Variants in UBE2S observed in about 807,000 individuals in gnomAD.
UBE2S encodes the protein ubiquitin conjugating enzyme E2 S.
Under a neutral mutation model 12.3 loss-of-function variants are expected in UBE2S, and 3 were observed. That is an observed-to-expected ratio of 0.24 (90% confidence interval 0.11 to 0.63). The LOEUF is 0.63. Among genes scored for constraint, UBE2S ranks in the 30% least tolerant of loss-of-function variants. The pLI is 0.85. For missense variants in UBE2S, 211 were observed against 313.9 expected, an observed-to-expected ratio of 0.67 and a Z score of 2.48; for synonymous variants, 133 against 142.0, an observed-to-expected ratio of 0.94 and a Z score of 0.45.
chr19:55,403,442 C>T (rs1301110803), intron 3 of UBE2S, among the ~76,000 whole-genome samples: 1 of 151,944 alleles, frequency 6.6e-6, no homozygotes, highest in African/African-American at 2.4e-5. Context: ...TGAGCTATGA[C>T]TGCGCCACTG....
intron 1 of UBE2S, among the ~76,000 whole-genome samples, 199 bp downstream of exon 1, chr19:55,407,388 G>A (rs951918138): frequency 2.0e-5 from 3 of 152,156 alleles, no homozygotes; most frequent in African/African-American, 2.4e-5. Context: ...AGCGCCCGGA[G>A]CCCTCGCCGC....
At chr19:55,406,728 T>C in intron 2 of UBE2S, 87 bp downstream of exon 2, 3 of 1,507,488 alleles carry the variant, frequency 2.0e-6, no homozygotes, top group Non-Finnish European at 2.7e-6. Context: ...GGCCAGCCTG[T>C]AATGGGTACT....
rs147316341 is a variant in UBE2S, at chr19:55,402,173, G to A, written c.343-411C>T. On this transcript the variant is annotated intron_variant, in intron 3 of 3. Coordinates refer to ENST00000264552, the MANE Select transcript of UBE2S (RefSeq NM_014501.3). ...TTAGAGGCCCTCTGGTTCAACGAGT[G>A]AGGCCTGCAGCCTGGACAGAGAGAA... is the stretch of plus-strand genomic sequence containing the variant. Among the ~76,000 whole-genome samples, 8 of 152,354 alleles carry A rather than the reference G, an allele frequency of 5.3e-5. No individual in the cohort carries two copies. The East Asian group carries it at 1.5e-3, about 29-fold the overall frequency.
Position 55,404,468 on chromosome 19 carries a change from T to G in UBE2S, c.162A>C (p.Pro54=), listed in dbSNP as rs1233002117. The G allele has an allele frequency of 1.2e-6, 2 of 1,608,288 alleles. No homozygotes were observed. The highest frequency in any genetic ancestry group is 1.7e-6 in the Non-Finnish European group (2 of 1,176,848). Residue 54 remains proline (P), a synonymous_variant, in exon 3 of 4, where the codon CCA becomes CCC. Coordinates refer to ENST00000264552, the MANE Select transcript of UBE2S (RefSeq NM_014501.3). This position sits in a 1 kb window ranked among gnomAD's most constrained non-coding sequence, Gnocchi z 4.4. ...QVTIEGPEGT[P]YAGGLFRMKL... Reference sequence around the variant, plus strand: ...TCATGCGGAACAGACCTCCAGCATATGGGGTCCCCTCTGGAGTGGAGGGAG... The same window carrying G: ...TCATGCGGAACAGACCTCCAGCATAGGGGGTCCCCTCTGGAGTGGAGGGAG...
intron 3 of UBE2S, chr19:55,403,059 T>TC: frequency 7.3e-7 from 1 of 1,377,096 alleles, no homozygotes; most frequent in Non-Finnish European, 1.0e-6. Flanking sequence ...TGGAGCCATC[T>TC]CGTACGCTGC....
chr19:55,406,747 G>A, intron 2 of UBE2S, 68 bp downstream of exon 2: 1 of 1,547,536 alleles, frequency 6.5e-7, no homozygotes, highest in Non-Finnish European at 8.7e-7. Flanking sequence ...CTTCCCGCTA[G>A]GGTGATCTAG....
At position 55,400,625 on chromosome 19, in the gene UBE2S, CCAA is replaced by C. The variant is rs1358245150; in HGVS notation, c.*808_*810del. ...CTAGTTCTACGAGGACTGAAATCAGCCAACAACCATGAGCATGGAAGAGGACCC... is the reference window on the plus strand; with the variant it reads ...CTAGTTCTACGAGGACTGAAATCAGCCAACCATGAGCATGGAAGAGGACCC... On this transcript the variant is annotated 3_prime_UTR_variant, in exon 4 of 4. Coordinates refer to ENST00000264552, the MANE Select transcript of UBE2S (RefSeq NM_014501.3). 3 of 152,346 alleles carry C rather than the reference CCAA, an allele frequency of 2.0e-5. No homozygotes were observed. Among genetic ancestry groups the C allele is most frequent in the East Asian group, 3.9e-4 (2 of 5,192 alleles). The allele number at this position is 152,346 out of a possible 1,614,324, so 9.4% of individuals were successfully genotyped here.
intron 3 of UBE2S, among the ~76,000 whole-genome samples, chr19:55,402,614 G>C (rs536189827): frequency 6.6e-6 from 1 of 152,270 alleles, no homozygotes; most frequent in South Asian, 2.1e-4. Context: ...TATCACTGAT[G>C]GTGACCAGGA....
intron 3 of UBE2S, among the ~76,000 whole-genome samples, chr19:55,403,713 G>A (rs1271887355): frequency 6.6e-6 from 1 of 150,680 alleles, no homozygotes; most frequent in Non-Finnish European, 1.5e-5. Context: ...CAACAAATGA[G>A]ACCCCATTCC....
chr19:55,407,620 G>A lies in UBE2S; in HGVS notation c.-31C>T, dbSNP rs778679914. 184 of 1,363,534 alleles carry A rather than the reference G, an allele frequency of 1.3e-4. No individual in the cohort carries two copies. Among genetic ancestry groups the A allele is most frequent in the Non-Finnish European group, 1.6e-4 (174 of 1,060,020 alleles). 84.5% of individuals were successfully genotyped at this position (1,363,534 alleles called of 1,614,324 possible). A position where few individuals can be genotyped will look rare whatever the true frequency, so the allele number is the denominator to read the frequency against. ...CGGCCGGCCGGGGGCGGGTCCCCCC[G>A]GCCCCCTTCCTGCGTTCTTCGGTCC... On this transcript the variant is annotated 5_prime_UTR_variant, in exon 1 of 4. Coordinates refer to ENST00000264552, the MANE Select transcript of UBE2S (RefSeq NM_014501.3).
At chr19:55,402,613 T>A (rs2090068531) in intron 3 of UBE2S, among the ~76,000 whole-genome samples, 1 of 152,202 alleles carries the variant, frequency 6.6e-6, no homozygotes, top group Non-Finnish European at 1.5e-5. Context: ...ATATCACTGA[T>A]GGTGACCAGG....
rs780505915 is a variant in UBE2S at position 55,404,448 on chromosome 19, C to T, written c.182G>A (p.Arg61His). ...GTCCTTCCCCAGCAGGAGTTTCATG[C>T]GGAACAGACCTCCAGCATATGGGGT... ...EGTPYAGGLF[R>H]MKLLLGKDFP... The change falls in exon 3 of 4, where the codon CGC becomes CAC. Residue 61 changes from arginine (R) to histidine (H), a missense_variant. By Grantham distance (29) the Arg-to-His change is conservative. Coordinates refer to ENST00000264552, the MANE Select transcript of UBE2S (RefSeq NM_014501.3). This position sits in a 1 kb window ranked among gnomAD's most constrained non-coding sequence, Gnocchi z 4.4. 1.9e-5 allele frequency: 30 copies of T among 1,610,344 alleles called. No individual in the cohort carries two copies. The highest frequency in any genetic ancestry group is 5.0e-5 in the Admixed American group (3 of 59,716).
Position 55,406,852 on chromosome 19 carries a change from C to G in UBE2S, c.114G>C (p.Glu38Asp), listed in dbSNP as rs745825218. Residue 38 changes from glutamate (E) to aspartate (D), a missense_variant, in exon 2 of 4, where the codon GAG (glutamate) becomes GAC (aspartate). Glu to Asp is a conservative substitution (Grantham distance 45). Coordinates refer to ENST00000264552, the MANE Select transcript of UBE2S (RefSeq NM_014501.3). The stretch of plus-strand genomic sequence containing the variant: ...TGGTGACCTGGAGGTCGGTGAGGTC[C>G]TCCTCGTTGGGAAAGACCTTGATGC... The part of the protein sequence containing the change: ...PDGIKVFPNE[E>D]DLTDLQVTIE... 1.5e-4 allele frequency: 241 copies of G among 1,613,622 alleles called. No homozygotes were observed. Among genetic ancestry groups the G allele is most frequent in the Non-Finnish European group, 2.0e-4 (233 of 1,179,834 alleles).
At position 55,404,243 on chromosome 19, in the gene UBE2S, T is replaced by G. The variant is rs1279687100; in HGVS notation, c.342+45A>C. The stretch of plus-strand genomic sequence containing the variant: ...GCTATGGCTCAGACACCAGCAGACC[T>G]CCAGAGGCAGGAGGCAGGAGGCCCA... On this transcript the variant is annotated intron_variant, in intron 3 of 3. Coordinates refer to ENST00000264552, the MANE Select transcript of UBE2S (RefSeq NM_014501.3). This position sits in a 1 kb window ranked among gnomAD's most constrained non-coding sequence, Gnocchi z 4.4. 1 of 1,604,954 alleles carries G rather than the reference T, an allele frequency of 6.2e-7. No individual in the cohort carries two copies. The highest frequency in any genetic ancestry group is 1.1e-5 in the South Asian group (1 of 90,890).
rs575714628 is a variant in UBE2S at position 55,407,786 on chromosome 19, G to A, written c.-197C>T. On this transcript the variant is annotated 5_prime_UTR_variant, in exon 1 of 4. Transcript: ENST00000264552. ...CCGCCCCGGTGCCCGGCAGCACTGA[G>A]CCGGCCGCGCGCGCACCACTGCCTC... The A allele has an allele frequency of 3.9e-3, 1,364 of 346,278 alleles. 20 individuals carry two copies. Among genetic ancestry groups the A allele is most frequent in the African/African-American group, 0.027 (1,245 of 46,548 alleles). 21.5% of individuals were successfully genotyped at this position (346,278 alleles called of 1,614,324 possible).
intron 2 of UBE2S, 47 bp downstream of exon 2, chr19:55,406,768 T>TG (rs2090098726): frequency 6.3e-7 from 1 of 1,579,446 alleles, no homozygotes; most frequent in African/African-American, 1.3e-5. Flanking sequence ...AGCAGGGTGA[T>TG]GGAGGATCTA....
At position 55,401,343 on chromosome 19, in the gene UBE2S, C is replaced by A. The variant is rs769031848; in HGVS notation, c.*93G>T. ...GTCCCAGTGCCCCCTGTACCCTCCC[C>A]GACCCCAGCCATAATTTAAATAACT... On this transcript the variant is annotated 3_prime_UTR_variant, in exon 4 of 4. Coordinates refer to ENST00000264552, the MANE Select transcript of UBE2S (RefSeq NM_014501.3). The A allele has an allele frequency of 2.8e-5, 28 of 1,004,910 alleles. No homozygotes were observed. The highest frequency in any genetic ancestry group is 3.7e-5 in the Non-Finnish European group (26 of 699,342). The allele number at this position is 1,004,910 out of a possible 1,614,324, so 62.2% of individuals were successfully genotyped here.
In UBE2S at chr19:55,404,890, ACCATG is replaced by A. The variant is rs2090086497; in HGVS notation, c.152-417_152-413del. Reference sequence around the variant, plus strand: ...AGTGCTGGGATTACAGGCGTGAACCACCATGCCCAGTCAGGCTGTAGAATTCTTAA... The same window carrying A: ...AGTGCTGGGATTACAGGCGTGAACCACCCAGTCAGGCTGTAGAATTCTTAA... On this transcript the variant is annotated intron_variant, in intron 2 of 3. Transcript: ENST00000264552. This position sits in a 1 kb window ranked among gnomAD's most constrained non-coding sequence, Gnocchi z 4.4. Among the ~76,000 whole-genome samples, 1 of 150,712 alleles carries A rather than the reference ACCATG, an allele frequency of 6.6e-6. No homozygotes were observed. The highest frequency in any genetic ancestry group is 2.4e-5 in the African/African-American group (1 of 41,130).
chr19:55,406,547 C>T (rs565538669), intron 2 of UBE2S, among the ~76,000 whole-genome samples: 1 of 152,314 alleles, frequency 6.6e-6, no homozygotes, highest in East Asian at 1.9e-4. Flanking sequence ...CCTACCCACC[C>T]TCAGGTCCAG....
Sources: gnomAD v4.1 joint callset for allele counts (sites outside exome capture counted in the v4.1 genomes callset) on GRCh38, gnomAD v4.1.1 for gene constraint, Gnocchi (gnomAD v3.1) non-coding constraint, MANE v1.5 for transcripts, NCBI Gene and HGNC (gene_info 2026-07-23, HGNC 2026-07-21) for gene names.